Variants in WDR49 observed in about 807,000 individuals in gnomAD.
WDR49 encodes the protein cilia- and flagella-associated protein 337.
WDR49 carries 107 observed loss-of-function variants against 119.5 expected under a neutral mutation model. The observed-to-expected ratio is 0.90, with a 90% CI of 0.77 to 1.05. The LOEUF (loss-of-function observed/expected upper bound fraction) is 1.05. WDR49 is among the 50% of genes least tolerant of loss of function. WDR49 has a pLI of 0.00. For missense variants in WDR49, 1,240 were observed against 1,220.5 expected, an observed-to-expected ratio of 1.02 and a Z score of -0.24; for synonymous variants, 425 against 418.8, an observed-to-expected ratio of 1.01 and a Z score of -0.18.
At chr3:167,526,946 G>A (rs1752655904) in intron 15 of WDR49, among the ~76,000 whole-genome samples, 1 of 152,138 alleles carries the variant, frequency 6.6e-6, no homozygotes, top group Admixed American at 6.6e-5. Flanking sequence ...AATAGTACTG[G>A]TTGAAACCAG....
At chr3:167,505,945 T>C (rs780125397) in intron 16 of WDR49, among the ~76,000 whole-genome samples, 87 of 152,272 alleles carry the variant, frequency 5.7e-4, no homozygotes, top group Middle Eastern at 3.4e-3. Flanking sequence ...ACATGGGAAA[T>C]AAAATCATTA....
chr3:167,494,435 G>C (rs1751267450), intron 18 of WDR49, among the ~76,000 whole-genome samples: 2 of 151,870 alleles, frequency 1.3e-5, no homozygotes, highest in Non-Finnish European at 2.9e-5. Context: ...GGATTTAATA[G>C]GTAGTTGCAG....
intron 18 of WDR49, 60 bp from the exon 19 acceptor site, chr3:167,479,056 GAA>G: frequency 4.1e-6 from 5 of 1,215,768 alleles, no homozygotes; most frequent in Non-Finnish European, 5.7e-6. Flanking sequence ...CTATTTAAAT[GAA>G]ATAGTGGGGA....
chr3:167,560,175 C>T lies in WDR49; in HGVS notation c.1563G>A (p.Gly521=). 1.2e-6 allele frequency: 2 copies of T among 1,614,150 alleles called. No homozygotes were observed. The highest frequency in any genetic ancestry group is 1.7e-6 in the Non-Finnish European group (2 of 1,180,022). ...AACCAGTAAACTGTTTGATTTTCTG[C>T]CCAGTGTCTATCATCCAGAAGGAAA... is the stretch of plus-strand genomic sequence containing the variant. ...STVSFWMIDT[G]QKIKQFTGCH... The change falls in exon 9 of 19, where the codon GGG becomes GGA. Residue 521 remains glycine (G), a synonymous_variant. Transcript: ENST00000682715.
chr3:167,550,345 T>A (rs903440310), intron 10 of WDR49, among the ~76,000 whole-genome samples: 2 of 152,184 alleles, frequency 1.3e-5, no homozygotes, highest in Non-Finnish European at 2.9e-5. Flanking sequence ...GTTCTTCCAT[T>A]TGTTTGTGTC....
upstream of WDR49, among the ~76,000 whole-genome samples, chr3:167,655,893 G>GTC (rs892517817): frequency 5.9e-4 from 89 of 150,864 alleles, 1 homozygote; most frequent in East Asian, 4.1e-3. Flanking sequence ...GATAGACACT[G>GTC]TCTCTCTCTC....
chr3:167,604,646 T>C (rs1177977835), intron 5 of WDR49, among the ~76,000 whole-genome samples, 178 bp from the exon 6 acceptor site: 1 of 152,108 alleles, frequency 6.6e-6, no homozygotes, highest in Admixed American at 6.5e-5. Flanking sequence ...AAGAATTCCA[T>C]TGAGAAGTTA....
chr3:167,502,009 G>A (rs1305839417), intron 17 of WDR49, among the ~76,000 whole-genome samples: 1 of 152,158 alleles, frequency 6.6e-6, no homozygotes, highest in Non-Finnish European at 1.5e-5. Flanking sequence ...CATTGGAGAT[G>A]GGGCCTGGTA....
At chr3:167,541,907 T>C (rs1410991449) in intron 10 of WDR49, among the ~76,000 whole-genome samples, 1 of 151,858 alleles carries the variant, frequency 6.6e-6, no homozygotes, top group Admixed American at 6.6e-5. Context: ...GCTATTCTTA[T>C]ATCAGACAAA....
At position 167,627,214 on chromosome 3, in the gene WDR49, T is replaced by A; in HGVS notation, c.244A>T (p.Thr82Ser). The change falls in exon 3 of 19, where the codon ACG becomes TCG. Residue 82 changes from threonine (T) to serine (S), a missense_variant. Physicochemically the swap from Thr to Ser is moderately conservative, Grantham distance 58 (BLOSUM62 1). Transcript: ENST00000682715. The part of the protein sequence containing the change: ...QKMTEIVGWG[T>S]KEEYGELFDK... ...AAGAGCTCCCCATATTCTTCCTTCG[T>A]GCCCCAACCAACAATCTCTGTCATC... 8.0e-7 allele frequency: 1 copy of A among 1,252,768 alleles called. No homozygotes were observed. Among genetic ancestry groups the A allele is most frequent in the Admixed American group, 4.1e-5 (1 of 24,650 alleles). The allele number at this position is 1,252,768 out of a possible 1,614,324, so 77.6% of individuals were successfully genotyped here.
chr3:167,486,602 A>C (rs775447236), intron 18 of WDR49, among the ~76,000 whole-genome samples: 1 of 152,148 alleles, frequency 6.6e-6, no homozygotes, highest in Admixed American at 6.5e-5. Context: ...AGGGGTCCCT[A>C]TTCTTAAATC....
At position 167,529,225 on chromosome 3, in the gene WDR49, C is replaced by G. The variant is rs1047032453; in HGVS notation, c.2233G>C (p.Val745Leu). Residue 745 changes from valine to leucine, a missense_variant, in exon 14 of 19, where the codon GTA (valine) becomes CTA (leucine). Physicochemically the swap from Val to Leu is conservative, Grantham distance 32. Coordinates refer to ENST00000682715, the MANE Select transcript of WDR49 (RefSeq NM_001366157.1). ...ACATAACCAGATCCTCCACATGATA[C>G]CAGGTTAGCTCCTCCTAACATGTAA... ...NTAVTGGANLVSCGGSGYVRF... is the reference protein window; with the variant it reads ...NTAVTGGANLLSCGGSGYVRF... The G allele has an allele frequency of 6.3e-7, 1 of 1,594,786 alleles. No individual in the cohort carries two copies. Among genetic ancestry groups the G allele is most frequent in the Non-Finnish European group, 8.5e-7 (1 of 1,174,034 alleles).
chr3:167,643,033 A>G (rs1717956752), intron 2 of WDR49, among the ~76,000 whole-genome samples: 1 of 152,090 alleles, frequency 6.6e-6, no homozygotes, highest in Non-Finnish European at 1.5e-5. Flanking sequence ...GAAAATGAGT[A>G]AGAATCAATA....
At chr3:167,515,621 T>C (rs146625037) in intron 16 of WDR49, among the ~76,000 whole-genome samples, 264 of 152,230 alleles carry the variant, frequency 1.7e-3, no homozygotes, top group African/African-American at 6.2e-3. Context: ...CAGGGTAGTA[T>C]TGGAAGTTCT....
chr3:167,587,176 CT>C (rs1714862147), intron 7 of WDR49, among the ~76,000 whole-genome samples: 1 of 152,052 alleles, frequency 6.6e-6, no homozygotes, highest in Non-Finnish European at 1.5e-5. Context: ...AACAAATAAT[CT>C]TTACCTTCAA....
Position 167,621,548 on chromosome 3 carries a change from TC to T in WDR49, c.701del (p.Gly234GlufsTer25). 6.5e-7 allele frequency: 1 copy of T among 1,535,678 alleles called. No individual in the cohort carries two copies. Among genetic ancestry groups the T allele is most frequent in the East Asian group, 2.4e-5 (1 of 40,884 alleles). ...ACCAATAATCCATGCAAATTGGTGTTCCTTTCAGGCCTTGGAGTTTGTATTG... is the reference window on the plus strand; with the variant it reads ...ACCAATAATCCATGCAAATTGGTGTTCTTTCAGGCCTTGGAGTTTGTATTG... ...ACQYKLQGLK[G>X]TPICMDYWYD... is the part of the protein sequence containing the mutation. On this transcript the variant is annotated frameshift_variant, in exon 4 of 19. Transcript: ENST00000682715. LOFTEE classifies it high-confidence loss of function.
intron 16 of WDR49, among the ~76,000 whole-genome samples, chr3:167,512,467 C>T (rs1017931021): frequency 1.3e-5 from 2 of 152,076 alleles, no homozygotes; most frequent in African/African-American, 4.8e-5. Context: ...TCAGGAGCCT[C>T]AAAGATTGAA....
intron 16 of WDR49, among the ~76,000 whole-genome samples, chr3:167,509,374 T>C (rs1751882150): frequency 6.6e-6 from 1 of 152,214 alleles, no homozygotes; most frequent in Non-Finnish European, 1.5e-5. Flanking sequence ...AAGGCTGGGA[T>C]GTGTTTCTCT....
Position 167,653,408 on chromosome 3 carries a change from A to C in WDR49, c.18T>G (p.Ala6=), listed in dbSNP as rs1281993335. 2.6e-6 allele frequency: 4 copies of C among 1,524,848 alleles called. No homozygotes were observed. The African/African-American group carries it at 4.1e-5, about 16-fold the overall frequency. The allele number at this position is 1,524,848 out of a possible 1,614,324, so 94.5% of individuals were successfully genotyped here. Residue 6 remains alanine (A), a synonymous_variant, in exon 2 of 19, where the codon GCT becomes GCG. Transcript: ENST00000682715. ...GTGACCCTATGTTTAACTCAAGTAC[A>C]GCTTTCTGGCAACTCATAATGGCTT... MSCQK[A]VLELNIGSQL... is the part of the protein sequence containing the mutation.
Sources: gnomAD v4.1 joint callset for allele counts (sites outside exome capture counted in the v4.1 genomes callset) on GRCh38, gnomAD v4.1.1 for gene constraint, MANE v1.5 for transcripts, NCBI Gene and HGNC (gene_info 2026-07-23, HGNC 2026-07-21) for gene names.